The following TNRC6C variants were observed in gnomAD, a reference collection of about 807,000 sequenced individuals.
TNRC6C encodes trinucleotide repeat-containing gene 6C protein.
In TNRC6C, 20 loss-of-function variants were observed where a neutral mutation model predicts 153.7. The ratio of observed to expected loss-of-function variants is 0.13; its 90% CI spans 0.09 to 0.19. The LOEUF (loss-of-function observed/expected upper bound fraction) is 0.19. TNRC6C is among the 10% of genes least tolerant of loss of function. The pLI, the probability that TNRC6C is intolerant of heterozygous loss-of-function variation, is 1.00. For synonymous variants in TNRC6C, 811 were observed against 841.4 expected, an observed-to-expected ratio of 0.96 and a Z score of 0.63; for missense variants, 1,987 against 2,172.0, an observed-to-expected ratio of 0.91 and a Z score of 1.69.
chr17:78,046,660 G>C (rs1321214514), intron 2 of TNRC6C, among the ~76,000 whole-genome samples: 1 of 152,148 alleles, frequency 6.6e-6, no homozygotes, highest in African/African-American at 2.4e-5. Context: ...ATGATACAAT[G>C]TCCAAGGTCA....
At chr17:78,054,414 A>G (rs1051269349) in intron 3 of TNRC6C, among the ~76,000 whole-genome samples, 1 of 151,764 alleles carries the variant, frequency 6.6e-6, no homozygotes, top group Admixed American at 6.5e-5. Context: ...GTGCACTACT[A>G]TACACCACTG....
intron 1 of TNRC6C, among the ~76,000 whole-genome samples, chr17:78,030,098 C>T (rs1349502056): frequency 6.6e-6 from 1 of 152,002 alleles, no homozygotes; most frequent in Non-Finnish European, 1.5e-5. Flanking sequence ...TTATTATGAA[C>T]CATTATGTAC....
At chr17:78,071,298 C>T (rs1048449432) in intron 6 of TNRC6C, 133 bp downstream of exon 8, 1 of 896,232 alleles carries the variant, frequency 1.1e-6, no homozygotes, top group African/African-American at 1.7e-5. Context: ...TTGACATCAT[C>T]TAACTCTTAA....
Position 78,051,209 on chromosome 17 carries a change from C to T in TNRC6C, c.2147C>T (p.Pro716Leu), listed in dbSNP as rs747122913. 18 of 1,568,312 alleles carry T rather than the reference C, an allele frequency of 1.1e-5. No individual in the cohort carries two copies. The Admixed American group carries it at 1.3e-4, about 11-fold the overall frequency. Residue 716 changes from proline (P) to leucine (L), a missense_variant, in exon 3 of 20, where the codon CCG becomes CTG. Pro to Leu is a moderately conservative substitution (Grantham distance 98). Around this residue, in one of 4 missense-constraint regions of TNRC6C, gnomAD observed 1,052 missense variants for 1,017.0 expected, o/e 1.03. Coordinates refer to ENST00000301624, the Ensembl canonical transcript of TNRC6C. ...ACTGGCTGGGAAGAACCCTCTCCAC[C>T]GTCCATTCGCCGCAAAATGGAAATT...
At chr17:78,027,333 T>A (rs1418527481) in intron 1 of TNRC6C, among the ~76,000 whole-genome samples, 1 of 152,134 alleles carries the variant, frequency 6.6e-6, no homozygotes, top group East Asian at 1.9e-4. Context: ...AGAGATTAAA[T>A]ATTTGAACAT....
chr17:78,058,116 G>A (rs2072695521), intron 3 of TNRC6C, among the ~76,000 whole-genome samples: 1 of 152,128 alleles, frequency 6.6e-6, no homozygotes, highest in African/African-American at 2.4e-5. Flanking sequence ...CTCGAACATT[G>A]CCTCAATTAC....
At chr17:78,005,179 A>C (rs2071475231) in intron 1 of TNRC6C, 100 bp downstream of exon 3, 1 of 745,778 alleles carries the variant, frequency 1.3e-6, no homozygotes, top group Non-Finnish European at 1.8e-6. Context: ...AAAAACGAGA[A>C]TCTAAGCCTG....
intron 1 of TNRC6C, among the ~76,000 whole-genome samples, chr17:77,986,428 A>AGAG (rs2071170316): frequency 6.7e-6 from 1 of 149,156 alleles, no homozygotes; most frequent in African/African-American, 2.5e-5. Flanking sequence ...AAAAAAAAAA[A>AGAG]GAAGAAGAAG....
At chr17:78,006,561 C>CTTCCTT (rs1368496759) in intron 1 of TNRC6C, among the ~76,000 whole-genome samples, 2 of 112,054 alleles carry the variant, frequency 1.8e-5, no homozygotes, top group African/African-American at 6.7e-5. Context: ...TCTTCTTCTT[C>CTTCCTT]CTTCTTCCTT....
chr17:77,971,014 GAAAGAA>G (rs1202824925), intron 1 of TNRC6C, among the ~76,000 whole-genome samples: 3 of 151,786 alleles, frequency 2.0e-5, no homozygotes. Flanking sequence ...GAAAAAAAAA[GAAAGAA>G]AAGAAAAAAG....
chr17:78,063,674 T>A (rs902584164), intron 3 of TNRC6C, among the ~76,000 whole-genome samples: 1 of 152,142 alleles, frequency 6.6e-6, no homozygotes, highest in Non-Finnish European at 1.5e-5. Context: ...ATACCTCAGA[T>A]CTCTCTCAGC....
At chr17:77,984,708 C>G (rs1175460822) in intron 1 of TNRC6C, among the ~76,000 whole-genome samples, 1 of 152,156 alleles carries the variant, frequency 6.6e-6, no homozygotes, top group African/African-American at 2.4e-5. Flanking sequence ...TGTGGACCAC[C>G]TCTTCCCTGT....
intron 1 of TNRC6C, among the ~76,000 whole-genome samples, chr17:77,989,238 T>G (rs1199601361): frequency 2.6e-5 from 4 of 152,220 alleles, no homozygotes; most frequent in Admixed American, 6.5e-5. Context: ...GAGCCAGAGA[T>G]CCTAGGTATT....
chr17:77,958,775 G>A (rs1239079274), upstream of TNRC6C, among the ~76,000 whole-genome samples: 1 of 150,236 alleles, frequency 6.7e-6, no homozygotes, highest in Non-Finnish European at 1.5e-5. Flanking sequence ...CGTAGCCGCC[G>A]CCGCCGGCCC....
chr17:77,960,657 C>T (rs1379286897), intron 1 of TNRC6C, among the ~76,000 whole-genome samples: 1 of 152,026 alleles, frequency 6.6e-6, no homozygotes, highest in African/African-American at 2.4e-5. Context: ...AAAACTTAGC[C>T]CCAGGCCAGA....
intron 8 of TNRC6C, among the ~76,000 whole-genome samples, chr17:78,076,747 C>T (rs916214856): frequency 6.6e-6 from 1 of 152,048 alleles, no homozygotes; most frequent in Non-Finnish European, 1.5e-5. Context: ...TATAACTCAC[C>T]CTCTTCTTAG....
At chr17:78,082,166 C>T (rs1179914154) in intron 10 of TNRC6C, among the ~76,000 whole-genome samples, 5 of 149,646 alleles carry the variant, frequency 3.3e-5, no homozygotes, top group Admixed American at 6.7e-5. Context: ...AAGACACACA[C>T]GAGATAGTGA....
chr17:78,054,810 C>T (rs868593851), intron 3 of TNRC6C, among the ~76,000 whole-genome samples: 1 of 152,008 alleles, frequency 6.6e-6, no homozygotes, highest in Non-Finnish European at 1.5e-5. Flanking sequence ...TACTATACAC[C>T]ACTGCAGACT....
At chr17:78,063,529 A>C (rs1024672743) in intron 3 of TNRC6C, among the ~76,000 whole-genome samples, 5 of 152,076 alleles carry the variant, frequency 3.3e-5, no homozygotes, top group Non-Finnish European at 2.9e-5. Flanking sequence ...CTGTTTCCAC[A>C]AGGGACCAAT....
Sources: allele counts gnomAD v4.1 joint callset (sites outside exome capture counted in the v4.1 genomes callset), GRCh38; gene constraint gnomAD v4.1.1; regional missense constraint gnomAD v4.1.1; transcripts MANE v1.5; gene names NCBI Gene and HGNC (gene_info 2026-07-23, HGNC 2026-07-21).